KIF26B: variants seen among roughly 807,000 people sequenced by gnomAD.
KIF26B encodes the protein kinesin family member 26B, also known as kinesin-like protein KIF26B.
Under a neutral mutation model 151.2 loss-of-function variants are expected in KIF26B, and 63 were observed. That is an observed-to-expected ratio of 0.42 (90% CI 0.34 to 0.51). KIF26B has a LOEUF of 0.51. Ranked by LOEUF, KIF26B falls within the 20% of genes least tolerant of loss-of-function variation. The pLI, the probability that KIF26B is intolerant of heterozygous loss-of-function variation, is 0.07. For synonymous variants in KIF26B, 1,357 were observed against 1,262.1 expected (o/e 1.08, Z -1.59); for missense variants, 2,813 against 2,913.6 (o/e 0.97, Z 0.79).
chr1:245,403,969 C>A lies in KIF26B; in HGVS notation c.1000-15610C>A, dbSNP rs568606734. 5.3e-5 allele frequency among the ~76,000 whole-genome samples: 8 copies of A among 152,272 alleles called. No individual in the cohort carries two copies. The South Asian group carries it at 1.7e-3, about 32-fold the overall frequency. On this transcript the variant is annotated intron_variant, in intron 3 of 14. Coordinates refer to ENST00000407071, the MANE Select transcript of KIF26B (RefSeq NM_018012.4). ...AATTGTAGTTTGGGGCCACTGGCTT[C>A]TTTTTGGAGATGGCCTGATTGATTC... is the stretch of plus-strand genomic sequence containing the variant.
At chr1:245,690,726 C>T (rs1360442981) in intron 12 of KIF26B, among the ~76,000 whole-genome samples, 1 of 150,686 alleles carries the variant, frequency 6.6e-6, no homozygotes, top group South Asian at 2.2e-4. Context: ...AGTACCTTGA[C>T]ATCTTTATTT....
At chr1:245,405,734 A>C (rs563360779) in intron 3 of KIF26B, among the ~76,000 whole-genome samples, 1 of 151,808 alleles carries the variant, frequency 6.6e-6, no homozygotes, top group Non-Finnish European at 1.5e-5. Context: ...CTGTGTCTTC[A>C]TGTTTCCACA....
At chr1:245,467,623 G>A (rs958646878) in intron 4 of KIF26B, among the ~76,000 whole-genome samples, 4 of 152,118 alleles carry the variant, frequency 2.6e-5, no homozygotes, top group East Asian at 1.9e-4. Flanking sequence ...GGCCGGGCGC[G>A]GTGGCTCATG....
chr1:245,279,097 A>G (rs72779275), intron 2 of KIF26B, among the ~76,000 whole-genome samples: 6,272 of 152,190 alleles, frequency 0.041, 163 homozygotes, highest in African/African-American at 0.063. Context: ...GGGAAGGATC[A>G]TGGAATGTTA....
chr1:245,265,731 A>G (rs1395759836), intron 2 of KIF26B, among the ~76,000 whole-genome samples: 2 of 151,926 alleles, frequency 1.3e-5, no homozygotes, highest in Admixed American at 6.6e-5. Flanking sequence ...TAGGACTGAG[A>G]CTAGCTGGGG....
chr1:245,365,358 C>A (rs1454028407), intron 2 of KIF26B, among the ~76,000 whole-genome samples: 1 of 152,196 alleles, frequency 6.6e-6, no homozygotes, highest in Non-Finnish European at 1.5e-5. Context: ...AAAGAGGCCT[C>A]TTGATTTATT....
chr1:245,278,991 A>G (rs938245203), intron 2 of KIF26B, among the ~76,000 whole-genome samples: 7 of 152,110 alleles, frequency 4.6e-5, no homozygotes, highest in Admixed American at 2.6e-4. Flanking sequence ...GATTCATTCT[A>G]TTTACAGCCC....
At chr1:245,300,749 G>A (rs529452155) in intron 2 of KIF26B, among the ~76,000 whole-genome samples, 2 of 151,224 alleles carry the variant, frequency 1.3e-5, no homozygotes, top group African/African-American at 2.4e-5. Context: ...GGCTGGTCTC[G>A]AGCTCCTGAC....
chr1:245,316,751 G>T (rs1671784938), intron 2 of KIF26B, among the ~76,000 whole-genome samples: 1 of 148,254 alleles, frequency 6.7e-6, no homozygotes, highest in African/African-American at 2.5e-5. Flanking sequence ...TACTGATTTG[G>T]TACAATTGCT....
chr1:245,482,564 T>TG (rs1660190841), intron 4 of KIF26B, among the ~76,000 whole-genome samples: 1 of 151,786 alleles, frequency 6.6e-6, no homozygotes, highest in South Asian at 2.1e-4. Context: ...GAGGGTACCC[T>TG]GCTTTGTGTG....
chr1:245,360,523 A>G (rs1672796232), intron 2 of KIF26B, among the ~76,000 whole-genome samples: 1 of 152,218 alleles, frequency 6.6e-6, no homozygotes, highest in Non-Finnish European at 1.5e-5. Flanking sequence ...ACTTAACTCA[A>G]TAAAATAAGT....
At position 245,602,564 on chromosome 1, in the gene KIF26B, C is replaced by A. The variant is rs2043407931; in HGVS notation, c.1351-13C>A. 6.3e-7 allele frequency: 1 copy of A among 1,597,220 alleles called. No homozygotes were observed. Among genetic ancestry groups the A allele is most frequent in the Non-Finnish European group, 8.5e-7 (1 of 1,170,788 alleles). On this transcript the variant is annotated splice_polypyrimidine_tract_variant and intron_variant, in intron 5 of 14. Transcript: ENST00000407071. The surrounding 1 kb of genome is among the most constrained non-coding windows in gnomAD (Gnocchi z 4.5). The stretch of plus-strand genomic sequence containing the variant: ...TGTCTTCATCCATGCTGTCGCCCAT[C>A]TTTTCTTAACAGGTGAAAGTCATGC...
intron 3 of KIF26B, among the ~76,000 whole-genome samples, chr1:245,393,615 G>C (rs1237342007): frequency 2.6e-5 from 4 of 152,208 alleles, no homozygotes; most frequent in Non-Finnish European, 5.9e-5. Context: ...CCTGTGTGGT[G>C]ACTTGAAGAA....
chr1:245,207,144 T>C (rs1669420864), intron 2 of KIF26B, among the ~76,000 whole-genome samples: 1 of 152,062 alleles, frequency 6.6e-6, no homozygotes, highest in East Asian at 1.9e-4. Context: ...TAGAATAGGA[T>C]GCATGGAATT....
chr1:245,274,627 C>T (rs1406904985), intron 2 of KIF26B, among the ~76,000 whole-genome samples: 1 of 152,154 alleles, frequency 6.6e-6, no homozygotes, highest in Non-Finnish European at 1.5e-5. Flanking sequence ...TCCAGTCTAT[C>T]ATTGTTGGGC....
intron 2 of KIF26B, among the ~76,000 whole-genome samples, chr1:245,187,767 G>A (rs1376932393): frequency 6.6e-6 from 1 of 152,184 alleles, no homozygotes; most frequent in African/African-American, 2.4e-5. Flanking sequence ...GTGGCTATAA[G>A]AGATGATAAT....
At chr1:245,401,985 C>G (rs910300742) in intron 3 of KIF26B, among the ~76,000 whole-genome samples, 1 of 152,108 alleles carries the variant, frequency 6.6e-6, no homozygotes, top group Non-Finnish European at 1.5e-5. Flanking sequence ...CAGCAGTCAA[C>G]AGGGAAGAGA....
intron 2 of KIF26B, among the ~76,000 whole-genome samples, chr1:245,209,250 A>G (rs929368136): frequency 1.3e-5 from 2 of 151,998 alleles, no homozygotes; most frequent in Admixed American, 6.6e-5. Flanking sequence ...AAATACAAAA[A>G]ATTAGTTGGG....
intron 2 of KIF26B, among the ~76,000 whole-genome samples, chr1:245,328,260 G>T (rs892505835): frequency 6.6e-6 from 1 of 151,310 alleles, no homozygotes; most frequent in Non-Finnish European, 1.5e-5. Context: ...GGGGAGGGGG[G>T]TCCCAGGCCT....
Sources: allele counts gnomAD v4.1 joint callset (sites outside exome capture counted in the v4.1 genomes callset), GRCh38; gene constraint gnomAD v4.1.1; non-coding constraint Gnocchi (gnomAD v3.1); transcripts MANE v1.5; gene names NCBI Gene and HGNC (gene_info 2026-07-23, HGNC 2026-07-21).